The following CNNM1 variants were observed in gnomAD, a reference collection of about 807,000 sequenced individuals.
CNNM1 encodes metal transporter CNNM1.
A neutral mutation model predicts 78.8 loss-of-function variants in CNNM1; 44 were observed. The ratio of observed to expected loss-of-function variants is 0.56; its 90% confidence interval spans 0.44 to 0.72. The LOEUF is 0.72. Ranked by LOEUF, CNNM1 falls within the 30% of genes least tolerant of loss-of-function variation. CNNM1 has a pLI of 0.00. For missense variants in CNNM1, 1,101 were observed against 1,292.2 expected (o/e 0.85, Z 2.27); for synonymous variants, 584 against 581.5 (o/e 1.00, Z -0.06).
intron 1 of CNNM1, among the ~76,000 whole-genome samples, chr10:99,332,726 G>A (rs1274212905): frequency 6.6e-6 from 1 of 152,166 alleles, no homozygotes; most frequent in East Asian, 1.9e-4. Flanking sequence ...GCTACTTTCA[G>A]TCTCAGATTT....
intron 6 of CNNM1, among the ~76,000 whole-genome samples, chr10:99,376,101 G>A (rs796776476): frequency 6.6e-6 from 1 of 152,198 alleles, no homozygotes; most frequent in Non-Finnish European, 1.5e-5. Flanking sequence ...GCAAGACGGG[G>A]CCCAGCCCTA....
chr10:99,334,927 G>A (rs990921338), intron 1 of CNNM1, among the ~76,000 whole-genome samples: 4 of 152,138 alleles, frequency 2.6e-5, no homozygotes, highest in East Asian at 1.9e-4. Context: ...ACTAAAGCTC[G>A]GATCAATAAC....
chr10:99,336,426 C>T (rs1017083822), intron 1 of CNNM1, among the ~76,000 whole-genome samples: 1 of 152,190 alleles, frequency 6.6e-6, no homozygotes, highest in African/African-American at 2.4e-5. Context: ...ATGATGTTCA[C>T]ACAATCATGA....
At chr10:99,361,009 CAG>C in intron 3 of CNNM1, 34 bp downstream of exon 3, 1 of 1,569,062 alleles carries the variant, frequency 6.4e-7, no homozygotes, top group Non-Finnish European at 8.7e-7. Context: ...GAAGCTAAAA[CAG>C]AATCTCTAGG....
chr10:99,368,326 G>A (rs1382693383), intron 6 of CNNM1: 1 of 289,640 alleles, frequency 3.5e-6, no homozygotes, highest in South Asian at 3.3e-5. Context: ...CTGCCTACAT[G>A]CTTCCCACAG....
intron 1 of CNNM1, among the ~76,000 whole-genome samples, chr10:99,356,969 C>G (rs143092282): frequency 6.6e-6 from 1 of 152,274 alleles, no homozygotes. Flanking sequence ...ACAAGCCCCC[C>G]CAGATTCAAG....
In CNNM1 at chr10:99,329,731, G is replaced by C. The variant is rs1372919151; in HGVS notation, c.344G>C (p.Gly115Ala). ...RLVFIEEPPG[G>A]GGVAPSAVPT... ...GTGTTCATCGAGGAGCCCCCGGGCG[G>C]TGGCGGCGTGGCCCCCAGCGCGGTC... The change falls in exon 1 of 11, where the codon GGT becomes GCT. Residue 115 changes from glycine (G) to alanine (A), a missense_variant. Physicochemically the swap from Gly to Ala is moderately conservative, Grantham distance 60. This residue lies in a region of CNNM1 where 476 missense variants were observed against 484.5 expected (regional missense o/e 0.98). Transcript: ENST00000356713. 1 of 1,512,150 alleles carries C rather than the reference G, an allele frequency of 6.6e-7. No individual in the cohort carries two copies. The highest frequency in any genetic ancestry group is 2.1e-5 in the Admixed American group (1 of 48,544). 93.7% of individuals were successfully genotyped at this position (1,512,150 alleles called of 1,614,324 possible).
chr10:99,329,692 G>T lies in CNNM1; in HGVS notation c.305G>T (p.Trp102Leu). The part of the protein sequence containing the change: ...LNSGENGTGD[W>L]APRLVFIEEP... ...TCGGGGGAGAATGGCACCGGCGACTGGGCTCCGCGGCTCGTGTTCATCGAG... is the reference window on the plus strand; with the variant it reads ...TCGGGGGAGAATGGCACCGGCGACTTGGCTCCGCGGCTCGTGTTCATCGAG... Residue 102 changes from tryptophan (W) to leucine (L), a missense_variant, in exon 1 of 11, where the codon TGG (tryptophan) becomes TTG (leucine). Trp to Leu is a moderately conservative substitution (Grantham distance 61, BLOSUM62 -2). This residue lies in a region of CNNM1 where 476 missense variants were observed against 484.5 expected (regional missense o/e 0.98). Coordinates refer to ENST00000356713, the MANE Select transcript of CNNM1 (RefSeq NM_020348.3). 6.4e-7 allele frequency: 1 copy of T among 1,550,472 alleles called. No individual in the cohort carries two copies. The highest frequency in any genetic ancestry group is 8.6e-7 in the Non-Finnish European group (1 of 1,159,564).
At chr10:99,352,146 C>T (rs566751946) in intron 1 of CNNM1, among the ~76,000 whole-genome samples, 5 of 152,288 alleles carry the variant, frequency 3.3e-5, no homozygotes, top group African/African-American at 1.2e-4. Flanking sequence ...CTCCTTTCCC[C>T]AGCTTCTGGC....
At chr10:99,388,093 C>T in intron 8 of CNNM1, 59 bp from the exon 9 acceptor site, 1 of 1,603,440 alleles carries the variant, frequency 6.2e-7, no homozygotes, top group African/African-American at 1.3e-5. Flanking sequence ...GGGCTCACAC[C>T]ACCTGAGCCC....
chr10:99,331,731 G>A (rs909221128), intron 1 of CNNM1, among the ~76,000 whole-genome samples: 2 of 152,090 alleles, frequency 1.3e-5, no homozygotes, highest in African/African-American at 4.8e-5. Context: ...GCCCGGGGGG[G>A]AGGGAAGTAC....
chr10:99,330,164 C>T lies in CNNM1; in HGVS notation c.777C>T (p.Asn259=), dbSNP rs867895736. The T allele has an allele frequency of 4.6e-6, 7 of 1,528,590 alleles. No individual in the cohort carries two copies. The highest frequency in any genetic ancestry group is 3.5e-4 in the Middle Eastern group (2 of 5,718). 94.7% of individuals were successfully genotyped at this position (1,528,590 alleles called of 1,614,324 possible). The change falls in exon 1 of 11, where the codon AAC becomes AAT. Residue 259 remains asparagine, a synonymous_variant. Coordinates refer to ENST00000356713, the MANE Select transcript of CNNM1 (RefSeq NM_020348.3). ...LDPVELRVLR[N]SGSAAEQEQA... ...CGGTGGAGTTACGGGTGCTGCGGAA[C>T]AGCGGCTCGGCCGCCGAGCAGGAGC...
rs141080580 is a variant in CNNM1 at position 99,373,023 on chromosome 10, G to A, written c.2177-4032G>A. On this transcript the variant is annotated intron_variant, in intron 6 of 10. Transcript: ENST00000356713. Reference sequence around the variant, plus strand: ...TAGTGATGTAGCTTGTGTTTGACATGTGAGTCCTTGTGGGTGTCATCTACA... The same window carrying A: ...TAGTGATGTAGCTTGTGTTTGACATATGAGTCCTTGTGGGTGTCATCTACA... Among the ~76,000 whole-genome samples the A allele has an allele frequency of 3.4e-4, 52 of 152,058 alleles. No individual in the cohort carries two copies. The East Asian group carries it at 9.5e-3, about 28-fold the overall frequency.
intron 6 of CNNM1, among the ~76,000 whole-genome samples, chr10:99,366,187 A>T (rs2031612480): frequency 6.6e-6 from 1 of 152,238 alleles, no homozygotes; most frequent in Admixed American, 6.5e-5. Flanking sequence ...AGACCCTGGT[A>T]CATTATTATA....
intron 6 of CNNM1, chr10:99,368,257 G>T (rs2134058699): frequency 4.2e-6 from 1 of 235,834 alleles, no homozygotes; most frequent in East Asian, 1.0e-4. Flanking sequence ...AGCTTGGTGG[G>T]AATGCAGCGC....
Position 99,362,405 on chromosome 10 carries a change from G to A in CNNM1, c.2028+9G>A, listed in dbSNP as rs777743526. 1.9e-6 allele frequency: 3 copies of A among 1,605,312 alleles called. No homozygotes were observed. Among genetic ancestry groups the A allele is most frequent in the Non-Finnish European group, 2.6e-6 (3 of 1,176,076 alleles). ...TTGTGCTGCTTCTACAGGTGAGTAG[G>A]AAAGTCAGGGAACCTCTGAGAGCCA... On this transcript the variant is annotated intron_variant, in intron 4 of 10. Coordinates refer to ENST00000356713, the MANE Select transcript of CNNM1 (RefSeq NM_020348.3).
rs1044325918 is a variant in CNNM1 at position 99,391,432 on chromosome 10, T to C, written c.2777-5T>C. The C allele has an allele frequency of 1.3e-5, 21 of 1,613,262 alleles. No homozygotes were observed. The highest frequency in any genetic ancestry group is 1.8e-5 in the Non-Finnish European group (21 of 1,179,482). On this transcript the variant is annotated splice_polypyrimidine_tract_variant and splice_region_variant and intron_variant, in intron 10 of 10. Transcript: ENST00000356713. Reference sequence around the variant, plus strand: ...AGGCTGATACTTGCAACTTGTTTTTTTCAGGTGGCCAAAAAAGGAAGAGGT... The same window carrying C: ...AGGCTGATACTTGCAACTTGTTTTTCTCAGGTGGCCAAAAAAGGAAGAGGT...
At position 99,387,912 on chromosome 10, in the gene CNNM1, C is replaced by G. The variant is rs748007859; in HGVS notation, c.2433C>G (p.Asp811Glu). The change falls in exon 8 of 11, where the codon GAC becomes GAG. Residue 811 changes from aspartate (D) to glutamate (E), a missense_variant. Transcript: ENST00000356713. The stretch of plus-strand genomic sequence containing the variant: ...ACATGGAGGCCTTCACAGACGGGGA[C>G]TCCACTAAGGCCCCCACAACCCGGG... Reference protein sequence around the residue: ...SPDMEAFTDGDSTKAPTTRGT... With the variant: ...SPDMEAFTDGESTKAPTTRGT... The G allele has an allele frequency of 1.6e-5, 26 of 1,613,638 alleles. No homozygotes were observed. Among genetic ancestry groups the G allele is most frequent in the East Asian group, 2.2e-5 (1 of 44,888 alleles).
At chr10:99,336,019 A>G (rs186230513) in intron 1 of CNNM1, among the ~76,000 whole-genome samples, 4 of 152,346 alleles carry the variant, frequency 2.6e-5, no homozygotes, top group African/African-American at 9.6e-5. Flanking sequence ...TAGGGCTTCA[A>G]CATATGAATT....
Sources: gnomAD v4.1 joint callset for allele counts (sites outside exome capture counted in the v4.1 genomes callset) on GRCh38, gnomAD v4.1.1 for gene constraint, gnomAD v4.1.1 regional missense constraint, MANE v1.5 for transcripts, NCBI Gene and HGNC (gene_info 2026-07-23, HGNC 2026-07-21) for gene names.